Variants in KLLN observed in about 807,000 individuals in gnomAD.
KLLN encodes killin.
For synonymous variants in KLLN, 142 were observed against 102.2 expected (o/e 1.39, Z -2.35); for missense variants, 340 against 241.3 (o/e 1.41, Z -2.71).
Position 87,862,656 on chromosome 10 carries a change from A to C in KLLN, c.-169T>G. The C allele has an allele frequency of 1.6e-6, 1 of 626,222 alleles. No homozygotes were observed. Among genetic ancestry groups the C allele is most frequent in the Non-Finnish European group, 2.9e-6 (1 of 348,544 alleles). The allele number at this position is 626,222 out of a possible 1,614,324, so 38.8% of individuals were successfully genotyped here. On this transcript the variant is annotated 5_prime_UTR_variant, in exon 1 of 1. Transcript: ENST00000445946. ...GAGGCCTGCGGGGTGCGTCCCACTCACAGGGATCCTCTTTCAGTTCATTTA... is the reference window on the plus strand; with the variant it reads ...GAGGCCTGCGGGGTGCGTCCCACTCCCAGGGATCCTCTTTCAGTTCATTTA...
Position 87,862,277 on chromosome 10 carries a change from C to A in KLLN, c.211G>T (p.Gly71Trp). 6.4e-7 allele frequency: 1 copy of A among 1,551,754 alleles called. No individual in the cohort carries two copies. Residue 71 changes from glycine (G) to tryptophan (W), a missense_variant, in exon 1 of 1, where the codon GGG (glycine) becomes TGG (tryptophan). Physicochemically the swap from Gly to Trp is radical, Grantham distance 184. Coordinates refer to ENST00000445946, the MANE Select transcript of KLLN (RefSeq NM_001126049.2). ...GGGAGTGGGAATTTGGAAAGTTCCC[C>A]AACTAGGGACACACGTGACCTCCTT... ...FRRRSRVSLV[G>W]ELSKFPLPSD...
Position 87,862,456 on chromosome 10 carries a change from G to A in KLLN, c.32C>T (p.Pro11Leu). 2.6e-6 allele frequency: 4 copies of A among 1,550,154 alleles called. No homozygotes were observed. Among genetic ancestry groups the A allele is most frequent in the Non-Finnish European group, 3.5e-6 (4 of 1,145,914 alleles). ...ACCCCAAACGTGCACGGTCCGGCCGGGGCGCGCGGAGCCTGGCCCCGGGCG... is the reference window on the plus strand; with the variant it reads ...ACCCCAAACGTGCACGGTCCGGCCGAGGCGCGCGGAGCCTGGCCCCGGGCG... Reference protein sequence around the residue: MDRPGPGSARPGRTVHVWGYR... With the variant: MDRPGPGSARLGRTVHVWGYR... The change falls in exon 1 of 1, where the codon CCC becomes CTC. Residue 11 changes from proline (P) to leucine (L), a missense_variant. By Grantham distance (98) the Pro-to-Leu change is moderately conservative (BLOSUM62 -3). Transcript: ENST00000445946.
Position 87,861,771 on chromosome 10 carries a change from G to A in KLLN, c.*180C>T. 1.8e-6 allele frequency: 1 copy of A among 550,696 alleles called. No individual in the cohort carries two copies. Among genetic ancestry groups the A allele is most frequent in the Non-Finnish European group, 3.1e-6 (1 of 325,238 alleles). The allele number at this position is 550,696 out of a possible 1,614,324, so 34.1% of individuals were successfully genotyped here. On this transcript the variant is annotated 3_prime_UTR_variant, in exon 1 of 1. Transcript: ENST00000445946. ...TGACTGGACGTTTGTTGCAACATCG[G>A]AGAATGCACGCTCTGGGCTGCAGCA...
chr10:87,860,872 C>G lies in KLLN; in HGVS notation c.*1079G>C, dbSNP rs1420184915. On this transcript the variant is annotated 3_prime_UTR_variant, in exon 1 of 1. Coordinates refer to ENST00000445946, the MANE Select transcript of KLLN (RefSeq NM_001126049.2). ...AACTCCTTATCTTTGGTTATTTATA[C>G]AATAATGAAATCTGTAGTTCACGCT... 2 of 152,182 alleles carry G rather than the reference C, an allele frequency of 1.3e-5. No individual in the cohort carries two copies. Among genetic ancestry groups the G allele is most frequent in the Non-Finnish European group, 2.9e-5 (2 of 68,036 alleles). The allele number at this position is 152,182 out of a possible 1,614,324, so 9.4% of individuals were successfully genotyped here. A position where few individuals can be genotyped will look rare whatever the true frequency, so the allele number is the denominator to read the frequency against.
Position 87,861,800 on chromosome 10 carries a change from GAT to G in KLLN, c.*149_*150del, listed in dbSNP as rs977749646. ...ATGCACGCTCTGGGCTGCAGCAGGA[GAT>G]ACCCTCAAGCACAGAACCAAAAGGG... On this transcript the variant is annotated 3_prime_UTR_variant, in exon 1 of 1. Transcript: ENST00000445946. 29 of 589,992 alleles carry G rather than the reference GAT, an allele frequency of 4.9e-5. No individual in the cohort carries two copies. The Middle Eastern group carries it at 1.2e-3, about 24-fold the overall frequency. 36.5% of individuals were successfully genotyped at this position (589,992 alleles called of 1,614,324 possible). A position where few individuals can be genotyped will look rare whatever the true frequency, so the allele number is the denominator to read the frequency against.
At position 87,862,737 on chromosome 10, in the gene KLLN, G is replaced by A. The variant is rs1858301579; in HGVS notation, c.-250C>T. The A allele has an allele frequency of 1.8e-6, 1 of 542,628 alleles. No homozygotes were observed. 33.6% of individuals were successfully genotyped at this position (542,628 alleles called of 1,614,324 possible). A position where few individuals can be genotyped will look rare whatever the true frequency, so the allele number is the denominator to read the frequency against. On this transcript the variant is annotated 5_prime_UTR_variant, in exon 1 of 1. Coordinates refer to ENST00000445946, the MANE Select transcript of KLLN (RefSeq NM_001126049.2). ...ACGGCTATGTGTTCACGTTCAGCAC[G>A]CTCGGCTGAGAGCTTTCATTTTTAG...
At position 87,862,537 on chromosome 10, in the gene KLLN, T is replaced by A. The variant is rs1250613126; in HGVS notation, c.-50A>T. On this transcript the variant is annotated 5_prime_UTR_variant, in exon 1 of 1. Transcript: ENST00000445946. ...AGGGGGGGCGGGGCTAGGTGGTCTC[T>A]GAGAACCGAGCTTGACTCCGACGCC... 1 of 1,478,252 alleles carries A rather than the reference T, an allele frequency of 6.8e-7. No homozygotes were observed. Among genetic ancestry groups the A allele is most frequent in the Non-Finnish European group, 9.1e-7 (1 of 1,101,426 alleles). 91.6% of individuals were successfully genotyped at this position (1,478,252 alleles called of 1,614,324 possible). A position where few individuals can be genotyped will look rare whatever the true frequency, so the allele number is the denominator to read the frequency against.
rs1329821323 is a variant in KLLN, at chr10:87,862,122, C to A, written c.366G>T (p.Glu122Asp). 5 of 1,546,948 alleles carry A rather than the reference C, an allele frequency of 3.2e-6. No individual in the cohort carries two copies. The highest frequency in any genetic ancestry group is 4.4e-6 in the Non-Finnish European group (5 of 1,144,164). ...ETGARTSLPK[E>D]RCRGWRLGNW... ...TCCCCAAGCGCCAGCCCCGACAGCG[C>A]TCCTTCGGGAGGCTGGTCCGAGCCC... Residue 122 changes from glutamate (E) to aspartate (D), a missense_variant, in exon 1 of 1, where the codon GAG becomes GAT. By Grantham distance (45) the Glu-to-Asp change is conservative (BLOSUM62 2). Transcript: ENST00000445946.
rs1029934933 is a variant in KLLN, at chr10:87,862,105, C to G, written c.383G>C (p.Arg128Pro). ...SLPKERCRGW[R>P]LGNWLHKHPH... is the part of the protein sequence containing the mutation. ...GTGCTTGTGTAACCAGTTCCCCAAGCGCCAGCCCCGACAGCGCTCCTTCGG... is the reference window on the plus strand; with the variant it reads ...GTGCTTGTGTAACCAGTTCCCCAAGGGCCAGCCCCGACAGCGCTCCTTCGG... The change falls in exon 1 of 1, where the codon CGC (arginine) becomes CCC (proline). Residue 128 changes from arginine (R) to proline (P), a missense_variant. Physicochemically the swap from Arg to Pro is moderately radical, Grantham distance 103. Coordinates refer to ENST00000445946, the MANE Select transcript of KLLN (RefSeq NM_001126049.2). The G allele has an allele frequency of 6.5e-7, 1 of 1,540,652 alleles. No homozygotes were observed. The highest frequency in any genetic ancestry group is 8.8e-7 in the Non-Finnish European group (1 of 1,140,976).
chr10:87,861,874 C>T lies in KLLN; in HGVS notation c.*77G>A. 7.2e-7 allele frequency: 1 copy of T among 1,386,968 alleles called. No homozygotes were observed. Among genetic ancestry groups the T allele is most frequent in the Non-Finnish European group, 9.6e-7 (1 of 1,045,512 alleles). The allele number at this position is 1,386,968 out of a possible 1,614,324, so 85.9% of individuals were successfully genotyped here. ...TCAGCGATGGAGAGGCCCGAGAGCC[C>T]TAGCGCCCAGCTCCTTTTCCCACGT... is the stretch of plus-strand genomic sequence containing the variant. On this transcript the variant is annotated 3_prime_UTR_variant, in exon 1 of 1. Coordinates refer to ENST00000445946, the MANE Select transcript of KLLN (RefSeq NM_001126049.2).
chr10:87,862,334 C>G lies in KLLN; in HGVS notation c.154G>C (p.Asp52His). 1 of 1,551,708 alleles carries G rather than the reference C, an allele frequency of 6.4e-7. No homozygotes were observed. Among genetic ancestry groups the G allele is most frequent in the East Asian group, 2.4e-5 (1 of 40,910 alleles). ...DLGGFKRRWK[D>H]TRATVGTTFR... ...GTAGTTCCGACTGTGGCCCGTGTAT[C>G]CTTCCACCTCCTTTTGAACCCTCCT... is the stretch of plus-strand genomic sequence containing the variant. Residue 52 changes from aspartate to histidine, a missense_variant, in exon 1 of 1, where the codon GAT becomes CAT. Physicochemically the swap from Asp to His is moderately conservative, Grantham distance 81 (BLOSUM62 -1). Transcript: ENST00000445946.
chr10:87,862,795 G>A lies in KLLN; in HGVS notation c.-308C>T. 2.2e-6 allele frequency: 1 copy of A among 463,486 alleles called. No individual in the cohort carries two copies. The highest frequency in any genetic ancestry group is 3.4e-5 in the South Asian group (1 of 29,190). The allele number at this position is 463,486 out of a possible 1,614,324, so 28.7% of individuals were successfully genotyped here. A position where few individuals can be genotyped will look rare whatever the true frequency, so the allele number is the denominator to read the frequency against. On this transcript the variant is annotated 5_prime_UTR_variant, in exon 1 of 1. Coordinates refer to ENST00000445946, the MANE Select transcript of KLLN (RefSeq NM_001126049.2). ...GAGCCGAGTTACCGGGGAAGCGAGAGGTGGGGCGCTGCAAGGGAGCCGGAT... is the reference window on the plus strand; with the variant it reads ...GAGCCGAGTTACCGGGGAAGCGAGAAGTGGGGCGCTGCAAGGGAGCCGGAT...
chr10:87,861,792 C>T lies in KLLN; in HGVS notation c.*159G>A. 1.6e-6 allele frequency: 1 copy of T among 609,740 alleles called. No individual in the cohort carries two copies. The highest frequency in any genetic ancestry group is 3.4e-5 in the South Asian group (1 of 29,290). 37.8% of individuals were successfully genotyped at this position (609,740 alleles called of 1,614,324 possible). A position where few individuals can be genotyped will look rare whatever the true frequency, so the allele number is the denominator to read the frequency against. ...ATCGGAGAATGCACGCTCTGGGCTG[C>T]AGCAGGAGATACCCTCAAGCACAGA... is the stretch of plus-strand genomic sequence containing the variant. On this transcript the variant is annotated 3_prime_UTR_variant, in exon 1 of 1. Transcript: ENST00000445946.
In KLLN at chr10:87,862,496, G is replaced by A. The variant is rs769797542; in HGVS notation, c.-9C>T. The A allele has an allele frequency of 4.4e-5, 68 of 1,536,658 alleles. No individual in the cohort carries two copies. Among genetic ancestry groups the A allele is most frequent in the Non-Finnish European group, 6.0e-5 (68 of 1,137,594 alleles). ...GGCCCCGGGCGATCCATCCTGCCGG[G>A]TTTTCACGGCGGCCAAGGGGGGGCG... On this transcript the variant is annotated 5_prime_UTR_variant, in exon 1 of 1. Transcript: ENST00000445946.
At position 87,862,514 on chromosome 10, in the gene KLLN, G is replaced by T. The variant is rs1244254148; in HGVS notation, c.-27C>A. 5.2e-6 allele frequency: 8 copies of T among 1,529,142 alleles called. No individual in the cohort carries two copies. Among genetic ancestry groups the T allele is most frequent in the Non-Finnish European group, 7.1e-6 (8 of 1,133,632 alleles). The allele number at this position is 1,529,142 out of a possible 1,614,324, so 94.7% of individuals were successfully genotyped here. Reference sequence around the variant, plus strand: ...CTGCCGGGTTTTCACGGCGGCCAAGGGGGGGCGGGGCTAGGTGGTCTCTGA... The same window carrying T: ...CTGCCGGGTTTTCACGGCGGCCAAGTGGGGGCGGGGCTAGGTGGTCTCTGA... On this transcript the variant is annotated 5_prime_UTR_variant, in exon 1 of 1. Coordinates refer to ENST00000445946, the MANE Select transcript of KLLN (RefSeq NM_001126049.2).
At position 87,863,490 on chromosome 10, in the gene KLLN, C is replaced by T. The variant is rs786203535; in HGVS notation, c.-1003G>A. The T allele has an allele frequency of 2.6e-6, 1 of 383,622 alleles. No individual in the cohort carries two copies. The highest frequency in any genetic ancestry group is 3.7e-5 in the East Asian group (1 of 27,154). The allele number at this position is 383,622 out of a possible 1,614,324, so 23.8% of individuals were successfully genotyped here. A position where few individuals can be genotyped will look rare whatever the true frequency, so the allele number is the denominator to read the frequency against. Reference sequence around the variant, plus strand: ...CGCCTCTCGCTCGCCTCCCGCCTCCCCTCGGTCTTCCGAGGCGCCCGGGCT... The same window carrying T: ...CGCCTCTCGCTCGCCTCCCGCCTCCTCTCGGTCTTCCGAGGCGCCCGGGCT... On this transcript the variant is annotated 5_prime_UTR_variant, in exon 1 of 1. Transcript: ENST00000445946.
chr10:87,862,403 C>T lies in KLLN; in HGVS notation c.85G>A (p.Gly29Ser), dbSNP rs1230495311. The change falls in exon 1 of 1, where the codon GGT (glycine) becomes AGT (serine). Residue 29 changes from glycine (G) to serine (S), a missense_variant. By Grantham distance (56) the Gly-to-Ser change is moderately conservative. Transcript: ENST00000445946. ...CACTCGCTGGGCTGCAGCTTCCTACCGTTCCGTACTTTCCACTCAACCCGG... is the reference window on the plus strand; with the variant it reads ...CACTCGCTGGGCTGCAGCTTCCTACTGTTCCGTACTTTCCACTCAACCCGG... ...GYRVEWKVRNGRKLQPSEWAG... is the reference protein window; with the variant it reads ...GYRVEWKVRNSRKLQPSEWAG... The T allele has an allele frequency of 4.5e-6, 7 of 1,551,662 alleles. No homozygotes were observed. Among genetic ancestry groups the T allele is most frequent in the African/African-American group, 2.7e-5 (2 of 73,166 alleles).
Position 87,863,364 on chromosome 10 carries a change from G to T in KLLN, c.-877C>A. On this transcript the variant is annotated 5_prime_UTR_variant, in exon 1 of 1. Coordinates refer to ENST00000445946, the MANE Select transcript of KLLN (RefSeq NM_001126049.2). ...ACACTGGGCATGCTCAGTAGAGCCTGCGGCTTGGGGACTCTGCGCTCGCAC... is the reference window on the plus strand; with the variant it reads ...ACACTGGGCATGCTCAGTAGAGCCTTCGGCTTGGGGACTCTGCGCTCGCAC... 3.0e-6 allele frequency: 1 copy of T among 331,678 alleles called. No homozygotes were observed. The allele number at this position is 331,678 out of a possible 1,614,324, so 20.5% of individuals were successfully genotyped here. A position where few individuals can be genotyped will look rare whatever the true frequency, so the allele number is the denominator to read the frequency against.
Position 87,861,428 on chromosome 10 carries a change from T to C in KLLN, c.*523A>G, listed in dbSNP as rs1358375092. 2 of 153,124 alleles carry C rather than the reference T, an allele frequency of 1.3e-5. No homozygotes were observed. Among genetic ancestry groups the C allele is most frequent in the Non-Finnish European group, 2.9e-5 (2 of 68,622 alleles). The allele number at this position is 153,124 out of a possible 1,614,324, so 9.5% of individuals were successfully genotyped here. On this transcript the variant is annotated 3_prime_UTR_variant, in exon 1 of 1. Transcript: ENST00000445946. ...CTCGTTAGATATTTTTTGACTCAAA[T>C]TGTCGTCTGTAGTTCTACTTCCTAA...
Sources: gnomAD v4.1 joint callset for allele counts on GRCh38, gnomAD v4.1.1 for gene constraint, MANE v1.5 for transcripts, NCBI Gene and HGNC (gene_info 2026-07-23, HGNC 2026-07-21) for gene names.